Variants in ATP4A observed in about 807,000 individuals in gnomAD.
ATP4A encodes potassium-transporting ATPase alpha chain 1.
In ATP4A, 73 loss-of-function variants were observed where a neutral mutation model predicts 112.1. That is an observed-to-expected ratio of 0.65 (90% confidence interval 0.54 to 0.79). ATP4A has a LOEUF of 0.79. ATP4A is among the 30% of genes least tolerant of loss of function. The pLI is 0.00. For synonymous variants in ATP4A, 588 were observed against 588.9 expected (o/e 1.00, Z 0.02); for missense variants, 1,081 against 1,425.9 (o/e 0.76, Z 3.90).
rs369127243 is a variant in ATP4A, at chr19:35,559,789, G to T, written c.1056+16C>A. 1.2e-6 allele frequency: 2 copies of T among 1,611,444 alleles called. No individual in the cohort carries two copies. Among genetic ancestry groups the T allele is most frequent in the African/African-American group, 2.7e-5 (2 of 74,952 alleles). The stretch of plus-strand genomic sequence containing the variant: ...AGGCCCCTCAGCTCCCTGCATCCCC[G>T]CCTGCCCCCACTCACTGTGACAGTG... On this transcript the variant is annotated intron_variant, in intron 7 of 21. Coordinates refer to ENST00000262623, the MANE Select transcript of ATP4A (RefSeq NM_000704.3). This position sits in a 1 kb window ranked among gnomAD's most constrained non-coding sequence, Gnocchi z 4.1.
chr19:35,554,495 C>T (rs918123227), intron 16 of ATP4A, among the ~76,000 whole-genome samples: 3 of 152,306 alleles, frequency 2.0e-5, no homozygotes, highest in Non-Finnish European at 4.4e-5. Flanking sequence ...TACCTGTCAA[C>T]ACAGCTGCGC....
rs1014699837 is a variant in ATP4A, at chr19:35,560,995, G to C, written c.421-63C>G. 3.6e-6 allele frequency: 5 copies of C among 1,390,872 alleles called. No individual in the cohort carries two copies. The highest frequency in any genetic ancestry group is 4.6e-5 in the East Asian group (2 of 43,706). 86.2% of individuals were successfully genotyped at this position (1,390,872 alleles called of 1,614,324 possible). A position where few individuals can be genotyped will look rare whatever the true frequency, so the allele number is the denominator to read the frequency against. Reference sequence around the variant, plus strand: ...CGGAAGCTGCCTGCCTGAGGCCACCGACCTGCTCCCTGGTGCCCTGGTTTT... The same window carrying C: ...CGGAAGCTGCCTGCCTGAGGCCACCCACCTGCTCCCTGGTGCCCTGGTTTT... On this transcript the variant is annotated intron_variant, in intron 4 of 21. Coordinates refer to ENST00000262623, the MANE Select transcript of ATP4A (RefSeq NM_000704.3). This position sits in a 1 kb window ranked among gnomAD's most constrained non-coding sequence, Gnocchi z 5.1.
In ATP4A at chr19:35,553,065, T is replaced by G. The variant is rs2071610323; in HGVS notation, c.2723A>C (p.Asp908Ala). 2.5e-6 allele frequency: 4 copies of G among 1,609,038 alleles called. No individual in the cohort carries two copies. The highest frequency in any genetic ancestry group is 3.4e-6 in the Non-Finnish European group (4 of 1,175,994). The part of the protein sequence containing the change: ...RAQWEDHHLQ[D>A]LQDSYGQEWT... ...CTCCTGGCCGTAGCTGTCCTGCAGA[T>G]CTTGTAGGTGGTGGTCCTCCCACTG... The change falls in exon 18 of 22, where the codon GAT (aspartate) becomes GCT (alanine). Residue 908 changes from aspartate (D) to alanine (A), a missense_variant. Coordinates refer to ENST00000262623, the MANE Select transcript of ATP4A (RefSeq NM_000704.3).
In ATP4A at chr19:35,553,711, T is replaced by A; in HGVS notation, c.2600A>T (p.Gln867Leu). ...CCCGGCCCACGGGCACCCACCAATCTGGAAGTAGGAGTAGGCAGCCAGGGG... is the reference window on the plus strand; with the variant it reads ...CCCGGCCCACGGGCACCCACCAATCAGGAAGTAGGAGTAGGCAGCCAGGGG... ...NEPLAAYSYF[Q>L]IGAIQSFAGF... The change falls in exon 17 of 22, where the codon CAG (glutamine) becomes CTG (leucine). Residue 867 changes from glutamine to leucine, a missense_variant. Around this residue, in one of 3 missense-constraint regions of ATP4A, gnomAD observed 219 missense variants for 320.9 expected, o/e 0.68. Coordinates refer to ENST00000262623, the MANE Select transcript of ATP4A (RefSeq NM_000704.3). 1 of 1,613,526 alleles carries A rather than the reference T, an allele frequency of 6.2e-7. No homozygotes were observed. Among genetic ancestry groups the A allele is most frequent in the South Asian group, 1.1e-5 (1 of 91,002 alleles).
At position 35,551,288 on chromosome 19, in the gene ATP4A, G is replaced by T. The variant is rs900489021; in HGVS notation, c.2885+159C>A. ...CCTTTAGTGAAATGTGGAGGGGGCC[G>T]TGGGGGGAGTTATTGGCCAGTTAGA... is the stretch of plus-strand genomic sequence containing the variant. On this transcript the variant is annotated intron_variant, in intron 19 of 21. Transcript: ENST00000262623. This position sits in a 1 kb window ranked among gnomAD's most constrained non-coding sequence, Gnocchi z 5.2. 6.6e-6 allele frequency among the ~76,000 whole-genome samples: 1 copy of T among 152,130 alleles called. No individual in the cohort carries two copies. Among genetic ancestry groups the T allele is most frequent in the African/African-American group, 2.4e-5 (1 of 41,408 alleles).
Position 35,557,870 on chromosome 19 carries a change from A to C in ATP4A, c.1501-23T>G. On this transcript the variant is annotated intron_variant, in intron 10 of 21. Transcript: ENST00000262623. The surrounding 1 kb of genome is among the most constrained non-coding windows in gnomAD (Gnocchi z 4.4). ...CAGCTGTGGGCGGGGGGGAGAGGCG[A>C]GGCTGTGGACGGGGGAACGGGGCGG... The C allele has an allele frequency of 9.5e-7, 1 of 1,048,994 alleles. No individual in the cohort carries two copies. Among genetic ancestry groups the C allele is most frequent in the Non-Finnish European group, 1.2e-6 (1 of 848,610 alleles). The allele number at this position is 1,048,994 out of a possible 1,614,324, so 65.0% of individuals were successfully genotyped here. A position where few individuals can be genotyped will look rare whatever the true frequency, so the allele number is the denominator to read the frequency against.
Position 35,560,149 on chromosome 19 carries a change from A to G in ATP4A, c.788-76T>C. 6.3e-7 allele frequency: 1 copy of G among 1,575,738 alleles called. No homozygotes were observed. The highest frequency in any genetic ancestry group is 8.6e-7 in the Non-Finnish European group (1 of 1,157,608). ...TGCACTGCCGTGTGAGCTGAAGGAC[A>G]GCCAGTCACTGCCAGTGGAGGATGT... is the stretch of plus-strand genomic sequence containing the variant. On this transcript the variant is annotated intron_variant, in intron 6 of 21. Coordinates refer to ENST00000262623, the MANE Select transcript of ATP4A (RefSeq NM_000704.3). This position sits in a 1 kb window ranked among gnomAD's most constrained non-coding sequence, Gnocchi z 5.1.
intron 4 of ATP4A, 74 bp from the exon 5 acceptor site, chr19:35,561,006 T>C: frequency 7.9e-7 from 1 of 1,267,564 alleles, no homozygotes; most frequent in Non-Finnish European, 1.1e-6. Context: ...ACCTGCTCCC[T>C]GGTGCCCTGG....
rs2071595243 is a variant in ATP4A, at chr19:35,550,515, CTT to C, written c.*98_*99del. The C allele has an allele frequency of 1.3e-6, 2 of 1,506,224 alleles. No individual in the cohort carries two copies. Among genetic ancestry groups the C allele is most frequent in the Admixed American group, 3.5e-5 (2 of 56,656 alleles). 93.3% of individuals were successfully genotyped at this position (1,506,224 alleles called of 1,614,324 possible). A position where few individuals can be genotyped will look rare whatever the true frequency, so the allele number is the denominator to read the frequency against. ...AGCAGATACTGGTGGGGCTGGGACTCTTGGTTGCTCAGATATCTTGGTGGCTG... is the reference window on the plus strand; with the variant it reads ...AGCAGATACTGGTGGGGCTGGGACTCGGTTGCTCAGATATCTTGGTGGCTG... On this transcript the variant is annotated 3_prime_UTR_variant, in exon 22 of 22. Transcript: ENST00000262623. The surrounding 1 kb of genome is among the most constrained non-coding windows in gnomAD (Gnocchi z 4.1).
In ATP4A at chr19:35,555,537, G is replaced by A. The variant is rs1354006829; in HGVS notation, c.2060C>T (p.Ser687Leu). Residue 687 changes from serine to leucine, a missense_variant, in exon 14 of 22, where the codon TCG (serine) becomes TTG (leucine). Ser to Leu is a moderately radical substitution (Grantham distance 145, BLOSUM62 -2). Around this residue, in one of 3 missense-constraint regions of ATP4A, gnomAD observed 850 missense variants for 1,068.2 expected, o/e 0.80. Coordinates refer to ENST00000262623, the MANE Select transcript of ATP4A (RefSeq NM_000704.3). The surrounding 1 kb of genome is among the most constrained non-coding windows in gnomAD (Gnocchi z 6.6). Reference protein sequence around the residue: ...NGMQLKDMDPSELVEALRTHP... With the variant: ...NGMQLKDMDPLELVEALRTHP... ...GGTGCGCAGGGCCTCGACCAGTTCC[G>A]ATGGGTCCATGTCCTTCAGCTGCAT... 1.2e-5 allele frequency: 19 copies of A among 1,601,044 alleles called. No homozygotes were observed. Among genetic ancestry groups the A allele is most frequent in the East Asian group, 2.2e-5 (1 of 44,630 alleles).
Position 35,558,235 on chromosome 19 carries a change from G to C in ATP4A, c.1500+127C>G. ...GGGGCCATAGGCGGAGCGGGAGATG[G>C]GGTGGGGTTTGGCTGCGGAGAGAAG... On this transcript the variant is annotated intron_variant, in intron 10 of 21. Coordinates refer to ENST00000262623, the MANE Select transcript of ATP4A (RefSeq NM_000704.3). This position sits in a 1 kb window ranked among gnomAD's most constrained non-coding sequence, Gnocchi z 5.1. 8.0e-7 allele frequency: 1 copy of C among 1,251,156 alleles called. No homozygotes were observed. 77.5% of individuals were successfully genotyped at this position (1,251,156 alleles called of 1,614,324 possible).
In ATP4A at chr19:35,558,814, C is replaced by A; in HGVS notation, c.1256-128G>T. The A allele has an allele frequency of 7.9e-7, 1 of 1,262,174 alleles. No individual in the cohort carries two copies. The highest frequency in any genetic ancestry group is 1.1e-6 in the Non-Finnish European group (1 of 925,730). 78.2% of individuals were successfully genotyped at this position (1,262,174 alleles called of 1,614,324 possible). A position where few individuals can be genotyped will look rare whatever the true frequency, so the allele number is the denominator to read the frequency against. ...TGGGTGGAATTGGGTTCCACCCAAC[C>A]CTGAGGGACCCAGCCCCCGGATGAC... On this transcript the variant is annotated intron_variant, in intron 8 of 21. Transcript: ENST00000262623. This position sits in a 1 kb window ranked among gnomAD's most constrained non-coding sequence, Gnocchi z 5.1.
chr19:35,559,243 C>T lies in ATP4A; in HGVS notation c.1057-52G>A, dbSNP rs1218640769. 1.3e-6 allele frequency: 2 copies of T among 1,583,946 alleles called. No homozygotes were observed. The highest frequency in any genetic ancestry group is 2.2e-5 in the South Asian group (2 of 90,450). Reference sequence around the variant, plus strand: ...TGGGGACCCACCCTGGCTTCCAGTCCTCTTCCCCGCGTCAAAGAACGGGGA... The same window carrying T: ...TGGGGACCCACCCTGGCTTCCAGTCTTCTTCCCCGCGTCAAAGAACGGGGA... On this transcript the variant is annotated intron_variant, in intron 7 of 21. Transcript: ENST00000262623. This position sits in a 1 kb window ranked among gnomAD's most constrained non-coding sequence, Gnocchi z 4.1.
In ATP4A at chr19:35,560,880, C is replaced by T. The variant is rs2071666768; in HGVS notation, c.473G>A (p.Gly158Asp). Residue 158 changes from glycine to aspartate, a missense_variant, in exon 5 of 22, where the codon GGC becomes GAC. By Grantham distance (94) the Gly-to-Asp change is moderately conservative. Transcript: ENST00000262623. This position sits in a 1 kb window ranked among gnomAD's most constrained non-coding sequence, Gnocchi z 5.1. ...IAVVVVTGCF[G>D]YYQEFKSTNI... ...GGTGCTCTTGAATTCCTGGTAGTAG[C>T]CAAAGCAGCCGGTGACGACAACCAC... 6.2e-7 allele frequency: 1 copy of T among 1,613,866 alleles called. No individual in the cohort carries two copies. The highest frequency in any genetic ancestry group is 1.7e-5 in the Admixed American group (1 of 59,980).
At chr19:35,552,848 A>G (rs1832317118) in intron 18 of ATP4A, among the ~76,000 whole-genome samples, 189 bp downstream of exon 18, 1 of 152,134 alleles carries the variant, frequency 6.6e-6, no homozygotes, top group Non-Finnish European at 1.5e-5. Flanking sequence ...TGCGATCATC[A>G]GAAGCAGGAG....
At position 35,557,858 on chromosome 19, in the gene ATP4A, G is replaced by C. The variant is rs541563848; in HGVS notation, c.1501-11C>G. The C allele has an allele frequency of 9.2e-5, 136 of 1,477,794 alleles. 1 individual carries two copies. The South Asian group carries it at 1.1e-3, about 12-fold the overall frequency. The allele number at this position is 1,477,794 out of a possible 1,614,324, so 91.5% of individuals were successfully genotyped here. ...CGTATGGATGGACAGCTGTGGGCGG[G>C]GGGGAGAGGCGAGGCTGTGGACGGG... is the stretch of plus-strand genomic sequence containing the variant. On this transcript the variant is annotated splice_polypyrimidine_tract_variant and intron_variant, in intron 10 of 21. Transcript: ENST00000262623. The surrounding 1 kb of genome is among the most constrained non-coding windows in gnomAD (Gnocchi z 4.4).
At position 35,563,345 on chromosome 19, in the gene ATP4A, C is replaced by T. The variant is rs745903667; in HGVS notation, c.156+39G>A. The T allele has an allele frequency of 3.1e-6, 5 of 1,612,970 alleles. No individual in the cohort carries two copies. The African/African-American group carries it at 6.7e-5, about 22-fold the overall frequency. ...CCCCGCCCACTGCCTGGTTCCCAGC[C>T]TACCCTCCAGCTCCCGCCCCTCCCC... On this transcript the variant is annotated intron_variant, in intron 2 of 21. Transcript: ENST00000262623.
chr19:35,563,130 CTCCATCTCCCTCCT>C (rs1227605825), intron 3 of ATP4A, 65 bp downstream of exon 3: 4 of 1,513,532 alleles, frequency 2.6e-6, no homozygotes, highest in African/African-American at 1.4e-5. Context: ...CTCTCCCTCT[CTCCATCTCCCTCCT>C]TCCATCTCCC....
Position 35,559,685 on chromosome 19 carries a change from A to G in ATP4A, c.1056+120T>C. ...GAGTGGATGATGGGAAGGCAGGAGA[A>G]TGGATGGGAGCTAAGTGGACAGATA... On this transcript the variant is annotated intron_variant, in intron 7 of 21. Transcript: ENST00000262623. The surrounding 1 kb of genome is among the most constrained non-coding windows in gnomAD (Gnocchi z 4.1). The G allele has an allele frequency of 7.0e-7, 1 of 1,428,420 alleles. No homozygotes were observed. Among genetic ancestry groups the G allele is most frequent in the Non-Finnish European group, 9.4e-7 (1 of 1,068,742 alleles). 88.5% of individuals were successfully genotyped at this position (1,428,420 alleles called of 1,614,324 possible).
Sources: gnomAD v4.1 joint callset for allele counts (sites outside exome capture counted in the v4.1 genomes callset) on GRCh38, gnomAD v4.1.1 for gene constraint, gnomAD v4.1.1 regional missense constraint, Gnocchi (gnomAD v3.1) non-coding constraint, MANE v1.5 for transcripts, NCBI Gene and HGNC (gene_info 2026-07-23, HGNC 2026-07-21) for gene names.